The following EML5 variants were observed in gnomAD, a reference collection of about 807,000 sequenced individuals.
The protein encoded by EML5 is echinoderm microtubule-associated protein-like 5.
A neutral mutation model predicts 250.0 loss-of-function variants in EML5; 120 were observed. That is an observed-to-expected ratio of 0.48 (90% CI 0.41 to 0.56). The LOEUF is 0.56. EML5 is among the 20% of genes least tolerant of loss of function. The probability of loss-of-function intolerance (pLI) is 0.00; values close to 1 mark genes in which losing one functional copy is unlikely to be tolerated. For missense variants in EML5, 2,006 were observed against 2,437.6 expected (o/e 0.82, Z 3.73); for synonymous variants, 771 against 806.5 (o/e 0.96, Z 0.75).
chr14:88,780,298 T>C (rs1291674029), intron 1 of EML5, among the ~76,000 whole-genome samples: 4 of 152,106 alleles, frequency 2.6e-5, no homozygotes, highest in Non-Finnish European at 5.9e-5. Flanking sequence ...CTGTCTTTGT[T>C]CTAGGCTATT....
At chr14:88,691,269 T>C (rs752675966) in intron 17 of EML5, among the ~76,000 whole-genome samples, 1 of 152,144 alleles carries the variant, frequency 6.6e-6, no homozygotes, top group Non-Finnish European at 1.5e-5. Flanking sequence ...ACCCATTCCC[T>C]GGCAGACAGA....
intron 2 of EML5, 53 bp from the exon 3 acceptor site, chr14:88,746,336 G>C (rs2094004160): frequency 7.0e-7 from 1 of 1,437,530 alleles, no homozygotes; most frequent in African/African-American, 1.4e-5. Flanking sequence ...ACAAATCAAA[G>C]AGAAACTGAA....
intron 1 of EML5, among the ~76,000 whole-genome samples, chr14:88,762,300 C>T (rs1405994731): frequency 2.6e-5 from 4 of 152,026 alleles, no homozygotes; most frequent in Admixed American, 2.0e-4. Flanking sequence ...CACCTGAGGT[C>T]GGGAGTTCGA....
intron 14 of EML5, among the ~76,000 whole-genome samples, chr14:88,700,429 A>G (rs2093183443): frequency 6.6e-6 from 1 of 152,170 alleles, no homozygotes; most frequent in Admixed American, 6.5e-5. Context: ...CCAAGGAATC[A>G]AAACAGTAGA....
At chr14:88,760,596 G>GT in intron 1 of EML5, among the ~76,000 whole-genome samples, 1 of 152,152 alleles carries the variant, frequency 6.6e-6, no homozygotes, top group South Asian at 2.1e-4. Context: ...ATTGAATACT[G>GT]TGAGTCCTCT....
At chr14:88,728,286 T>C (rs2093697680) in intron 7 of EML5, among the ~76,000 whole-genome samples, 1 of 151,936 alleles carries the variant, frequency 6.6e-6, no homozygotes, top group African/African-American at 2.4e-5. Flanking sequence ...TTATAAGTAA[T>C]CTAGAGATTT....
At chr14:88,648,360 T>C (rs2091455222) in intron 28 of EML5, among the ~76,000 whole-genome samples, 1 of 152,102 alleles carries the variant, frequency 6.6e-6, no homozygotes, top group African/African-American at 2.4e-5. Flanking sequence ...ATAATAATTA[T>C]TATATTTTTT....
chr14:88,644,589 A>G (rs1283384790), intron 29 of EML5, 78 bp from the exon 30 acceptor site: 3 of 1,356,656 alleles, frequency 2.2e-6, no homozygotes, highest in Non-Finnish European at 3.1e-6. Flanking sequence ...CATCCCTCCC[A>G]GAGAGGTGTC....
At chr14:88,745,006 T>C (rs993804496) in intron 3 of EML5, among the ~76,000 whole-genome samples, 1 of 152,108 alleles carries the variant, frequency 6.6e-6, no homozygotes, top group African/African-American at 2.4e-5. Flanking sequence ...ACCACAATAA[T>C]ACTTTCAAAA....
At chr14:88,774,090 C>G (rs979101947) in intron 1 of EML5, among the ~76,000 whole-genome samples, 1 of 152,118 alleles carries the variant, frequency 6.6e-6, no homozygotes, top group Non-Finnish European at 1.5e-5. Flanking sequence ...TGCACTCCAG[C>G]CTGGGTGACG....
At chr14:88,685,190 T>C (rs542887929) in intron 19 of EML5, 48 bp from the exon 20 acceptor site, 7 of 1,502,014 alleles carry the variant, frequency 4.7e-6, no homozygotes, top group South Asian at 3.9e-5. Context: ...GTTACTATAA[T>C]ACAACAGTGT....
intron 27 of EML5, among the ~76,000 whole-genome samples, chr14:88,651,692 T>G (rs1259087620): frequency 6.6e-6 from 1 of 151,880 alleles, no homozygotes; most frequent in African/African-American, 2.4e-5. Flanking sequence ...CTTCAAATAT[T>G]CTAATTAGAA....
chr14:88,744,011 C>T lies in EML5; in HGVS notation c.525+12G>A. 2 of 1,531,034 alleles carry T rather than the reference C, an allele frequency of 1.3e-6. No homozygotes were observed. Among genetic ancestry groups the T allele is most frequent in the South Asian group, 2.5e-5 (2 of 79,280 alleles). The allele number at this position is 1,531,034 out of a possible 1,614,324, so 94.8% of individuals were successfully genotyped here. On this transcript the variant is annotated intron_variant, in intron 4 of 43. Coordinates refer to ENST00000554922, the MANE Select transcript of EML5 (RefSeq NM_183387.3). Reference sequence around the variant, plus strand: ...TAAACGTGACTATTATAAAACAAGACCCTTCTAGTACCTTGATATGTTTTA... The same window carrying T: ...TAAACGTGACTATTATAAAACAAGATCCTTCTAGTACCTTGATATGTTTTA...
intron 1 of EML5, among the ~76,000 whole-genome samples, chr14:88,791,262 C>G (rs533818196): frequency 1.3e-5 from 2 of 152,238 alleles, no homozygotes; most frequent in East Asian, 3.9e-4. Flanking sequence ...TTTGAAATGC[C>G]CAATTTAAAT....
intron 3 of EML5, 117 bp from the exon 4 acceptor site, chr14:88,744,208 A>T (rs2093970496): frequency 3.9e-6 from 2 of 513,184 alleles, no homozygotes; most frequent in East Asian, 6.3e-5. Context: ...CTCAATAAAT[A>T]ATAATCAACA....
intron 21 of EML5, among the ~76,000 whole-genome samples, chr14:88,669,132 C>T (rs1338860541): frequency 1.3e-5 from 2 of 152,176 alleles, no homozygotes; most frequent in East Asian, 3.8e-4. Flanking sequence ...GCTATCCTGC[C>T]CGGGAAACCA....
intron 18 of EML5, among the ~76,000 whole-genome samples, chr14:88,687,547 G>C (rs763742102): frequency 6.6e-6 from 1 of 151,970 alleles, no homozygotes; most frequent in African/African-American, 2.4e-5. Context: ...TTTTAGATAG[G>C]GCTTTAGAAA....
At chr14:88,678,097 G>A (rs1017039979) in intron 21 of EML5, among the ~76,000 whole-genome samples, 3 of 152,114 alleles carry the variant, frequency 2.0e-5, no homozygotes, top group Middle Eastern at 3.2e-3. Context: ...TACACCATGG[G>A]ATACTATGCA....
At chr14:88,787,935 T>C (rs1395662612) in intron 1 of EML5, among the ~76,000 whole-genome samples, 1 of 152,214 alleles carries the variant, frequency 6.6e-6, no homozygotes, top group Non-Finnish European at 1.5e-5. Flanking sequence ...GCAATGTGTT[T>C]CCCAAACAGA....
Sources: allele counts gnomAD v4.1 joint callset (sites outside exome capture counted in the v4.1 genomes callset), GRCh38; gene constraint gnomAD v4.1.1; transcripts MANE v1.5; gene names NCBI Gene and HGNC (gene_info 2026-07-23, HGNC 2026-07-21).